Variants in ARAP2 observed in about 807,000 individuals in gnomAD.
The protein encoded by ARAP2 is arf-GAP with Rho-GAP domain, ANK repeat and PH domain-containing protein 2.
ARAP2 carries 148 observed loss-of-function variants against 194.5 expected under a neutral mutation model. The observed-to-expected ratio is 0.76, with a 90% CI of 0.67 to 0.87. The LOEUF (loss-of-function observed/expected upper bound fraction) is 0.87, where lower values mean the gene tolerates loss of function less well. Among genes scored for constraint, ARAP2 ranks in the 40% least tolerant of loss-of-function variants. ARAP2 has a pLI of 0.00. For missense variants in ARAP2, 2,128 were observed against 1,989.7 expected (o/e 1.07, Z -1.32); for synonymous variants, 695 against 683.5 (o/e 1.02, Z -0.26).
At chr4:36,214,372 G>C in intron 3 of ARAP2, 50 bp downstream of exon 3, 1 of 1,471,852 alleles carries the variant, frequency 6.8e-7, no homozygotes, top group Non-Finnish European at 9.4e-7. Context: ...ACACAGTTAA[G>C]ACTATCAAAT....
chr4:36,207,817 T>A (rs1745893316), intron 6 of ARAP2, among the ~76,000 whole-genome samples: 1 of 152,142 alleles, frequency 6.6e-6, no homozygotes, highest in Non-Finnish European at 1.5e-5. Context: ...CCTGTTAATG[T>A]TTATCAGTAT....
chr4:36,201,613 A>G (rs1032356459), intron 6 of ARAP2, among the ~76,000 whole-genome samples: 8 of 152,128 alleles, frequency 5.3e-5, no homozygotes, highest in Middle Eastern at 3.2e-3. Flanking sequence ...AGGTGGTGTA[A>G]AGTTTCAACT....
chr4:36,108,009 T>C (rs1025728080), intron 26 of ARAP2, among the ~76,000 whole-genome samples: 1 of 151,888 alleles, frequency 6.6e-6, no homozygotes, highest in African/African-American at 2.4e-5. Context: ...TATAATAAAT[T>C]CTACCCCTTG....
chr4:36,160,328 C>T, intron 13 of ARAP2, 131 bp downstream of exon 13: 1 of 1,239,400 alleles, frequency 8.1e-7, no homozygotes, highest in African/African-American at 1.6e-5. Context: ...GAAATAATGT[C>T]ACAAAAGGAA....
Position 36,072,069 on chromosome 4 carries a change from AAT to A in ARAP2, c.4743+1618_4743+1619del, listed in dbSNP as rs1577739077. 2.0e-5 allele frequency among the ~76,000 whole-genome samples: 3 copies of A among 152,224 alleles called. No individual in the cohort carries two copies. The East Asian group carries it at 5.8e-4, about 29-fold the overall frequency. ...TTTTTTAAAATTTTTATATGAATCT[AAT>A]ATTATGGCAGATATTTTCATGGTTT... On this transcript the variant is annotated intron_variant, in intron 32 of 32. Transcript: ENST00000303965.
intron 24 of ARAP2, among the ~76,000 whole-genome samples, chr4:36,118,764 C>A (rs1187426768): frequency 6.6e-6 from 1 of 151,320 alleles, no homozygotes; most frequent in Admixed American, 6.6e-5. Context: ...AAGCTGACTC[C>A]TTTGGAAGCT....
At chr4:36,169,458 C>T (rs565816860) in intron 9 of ARAP2, among the ~76,000 whole-genome samples, 3 of 152,132 alleles carry the variant, frequency 2.0e-5, no homozygotes, top group South Asian at 4.1e-4. Flanking sequence ...ACATGTAAAG[C>T]TGTAATTTCT....
chr4:36,061,348 C>T (rs934863711), downstream of ARAP2, among the ~76,000 whole-genome samples: 1 of 152,168 alleles, frequency 6.6e-6, no homozygotes, highest in African/African-American at 2.4e-5. Flanking sequence ...TCTCATCCCA[C>T]CACCCTCTCA....
chr4:36,156,427 GAAAGAAAGAAAGAAAGAGAAAGAA>G (rs1732487839), intron 15 of ARAP2, among the ~76,000 whole-genome samples: 1 of 16,674 alleles, frequency 6.0e-5, no homozygotes, highest in Admixed American at 4.3e-4. Context: ...AAGAAAGAAA[GAAAGAAAGAAAGAAAGAGAAAGAA>G]AGAAAGAAAG....
chr4:36,241,996 A>T (rs1417446701), intron 1 of ARAP2, among the ~76,000 whole-genome samples: 1 of 152,234 alleles, frequency 6.6e-6, no homozygotes, highest in Admixed American at 6.5e-5. Context: ...ACTAGAAAAG[A>T]TCACGTGAGG....
At chr4:36,033,083 A>G (rs1458266972) in intron 5 of ARAP2, among the ~76,000 whole-genome samples, 1 of 152,194 alleles carries the variant, frequency 6.6e-6, no homozygotes, top group Non-Finnish European at 1.5e-5. Context: ...ATTGATGGGC[A>G]TCGAGATTGA....
At chr4:36,236,157 C>CAAAAAAAAAA (rs1752406899) in intron 1 of ARAP2, among the ~76,000 whole-genome samples, 1 of 138,682 alleles carries the variant, frequency 7.2e-6, no homozygotes. Flanking sequence ...CCAGTCTGGG[C>CAAAAAAAAAA]AACAGAGCCA....
At chr4:36,017,397 T>C (rs1364542754) in intron 6 of ARAP2, among the ~76,000 whole-genome samples, 2 of 150,886 alleles carry the variant, frequency 1.3e-5, no homozygotes, top group Non-Finnish European at 3.0e-5. Context: ...AGAAAACAAT[T>C]AAACCATTCT....
intron 6 of ARAP2, among the ~76,000 whole-genome samples, chr4:36,197,089 T>C (rs977157904): frequency 7.2e-5 from 11 of 152,000 alleles, no homozygotes; most frequent in Non-Finnish European, 1.5e-4. Context: ...AGATTTCTTT[T>C]TCTTGAGCCT....
downstream of ARAP2, among the ~76,000 whole-genome samples, chr4:36,063,869 GATT>G (rs775485352): frequency 1.3e-5 from 2 of 152,146 alleles, no homozygotes; most frequent in Non-Finnish European, 2.9e-5. Flanking sequence ...TTCCTAAAGT[GATT>G]ATTAAAACTT....
chr4:36,161,896 C>T (rs1734108624), intron 11 of ARAP2, among the ~76,000 whole-genome samples: 1 of 151,340 alleles, frequency 6.6e-6, no homozygotes, highest in Admixed American at 6.6e-5. Context: ...ATCACGAGGT[C>T]AGGAGATCGA....
At chr4:36,117,241 A>G in intron 24 of ARAP2, 106 bp from the exon 25 acceptor site, 2 of 764,256 alleles carry the variant, frequency 2.6e-6, no homozygotes, top group Non-Finnish European at 3.9e-6. Flanking sequence ...TGAATATTTT[A>G]TAACAATGAA....
In ARAP2 at chr4:36,188,993, C is replaced by T. The variant is rs567346313; in HGVS notation, c.1558-1422G>A. Among the ~76,000 whole-genome samples, 6 of 152,232 alleles carry T rather than the reference C, an allele frequency of 3.9e-5. No individual in the cohort carries two copies. The South Asian group carries it at 1.2e-3, about 32-fold the overall frequency. ...ACTAGCTCTGTTCCAATCTCCCATC[C>T]CTGACTTTATTTATCCATCAAAATC... On this transcript the variant is annotated intron_variant, in intron 7 of 32. Coordinates refer to ENST00000303965, the MANE Select transcript of ARAP2 (RefSeq NM_015230.4).
chr4:36,131,323 A>G (rs1257079206), intron 20 of ARAP2, among the ~76,000 whole-genome samples: 1 of 150,748 alleles, frequency 6.6e-6, no homozygotes, highest in African/African-American at 2.4e-5. Flanking sequence ...TATATAATAC[A>G]AACACAATTA....
Sources: gnomAD v4.1 joint callset for allele counts (sites outside exome capture counted in the v4.1 genomes callset) on GRCh38, gnomAD v4.1.1 for gene constraint, MANE v1.5 for transcripts, NCBI Gene and HGNC (gene_info 2026-07-23, HGNC 2026-07-21) for gene names.